Variants in FSTL5 observed in about 807,000 individuals in gnomAD.
FSTL5 encodes follistatin-related protein 5.
Under a neutral mutation model 89.1 loss-of-function variants are expected in FSTL5, and 62 were observed. The observed-to-expected ratio is 0.70, with a 90% CI of 0.57 to 0.86. The LOEUF is 0.86. FSTL5 is among the 40% of genes least tolerant of loss of function. The probability of loss-of-function intolerance (pLI) is 0.00; values close to 1 mark genes in which losing one functional copy is unlikely to be tolerated. For missense variants in FSTL5, 1,057 were observed against 1,001.6 expected, an observed-to-expected ratio of 1.06 and a Z score of -0.75; for synonymous variants, 383 against 346.2, an observed-to-expected ratio of 1.11 and a Z score of -1.18.
chr4:161,501,746 AT>A (rs1333238456), intron 11 of FSTL5, among the ~76,000 whole-genome samples: 1 of 152,048 alleles, frequency 6.6e-6, no homozygotes, highest in African/African-American at 2.4e-5. Flanking sequence ...ATAAAATAAA[AT>A]TTAGTAGTTG....
chr4:161,633,472 G>A (rs1281393457), intron 7 of FSTL5, among the ~76,000 whole-genome samples: 1 of 151,790 alleles, frequency 6.6e-6, no homozygotes, highest in Non-Finnish European at 1.5e-5. Context: ...TCAGCCTCCC[G>A]AGTAGCTGAG....
intron 4 of FSTL5, among the ~76,000 whole-genome samples, chr4:161,830,571 T>C (rs556124124): frequency 1.3e-3 from 192 of 152,178 alleles, no homozygotes; most frequent in Admixed American, 3.5e-3. Context: ...ACTTAGCATC[T>C]TGAGACTTCA....
In FSTL5 at chr4:161,777,231, A is replaced by G. The variant is rs143369802; in HGVS notation, c.410-1157T>C. 6.8e-4 allele frequency among the ~76,000 whole-genome samples: 69 copies of G among 101,752 alleles called. No homozygotes were observed. The East Asian group carries it at 0.02, about 29-fold the overall frequency. 66.8% of individuals were successfully genotyped at this position (101,752 alleles called of 152,430 possible). Reference sequence around the variant, plus strand: ...TTTCATTCATTTTTATGACTGAATAATATTTCATTGTGTATATATATATAT... The same window carrying G: ...TTTCATTCATTTTTATGACTGAATAGTATTTCATTGTGTATATATATATAT... On this transcript the variant is annotated intron_variant, in intron 4 of 15. Coordinates refer to ENST00000306100, the MANE Select transcript of FSTL5 (RefSeq NM_020116.5).
At chr4:162,068,443 A>C (rs1056692459) in intron 2 of FSTL5, among the ~76,000 whole-genome samples, 1 of 152,152 alleles carries the variant, frequency 6.6e-6, no homozygotes, top group Non-Finnish European at 1.5e-5. Context: ...AAAAGCAAGC[A>C]ATGGGGGAAT....
At chr4:161,994,387 G>A (rs1180392901) in intron 3 of FSTL5, among the ~76,000 whole-genome samples, 1 of 152,022 alleles carries the variant, frequency 6.6e-6, no homozygotes, top group Non-Finnish European at 1.5e-5. Flanking sequence ...TATTCCTCTG[G>A]GTATGCACCC....
At chr4:161,505,421 G>A (rs1730444442) in intron 11 of FSTL5, among the ~76,000 whole-genome samples, 1 of 152,068 alleles carries the variant, frequency 6.6e-6, no homozygotes, top group African/African-American at 2.4e-5. Context: ...AGTGTGTCAA[G>A]CTCTTTTTTA....
At chr4:162,022,852 C>A (rs954487298) in intron 3 of FSTL5, 1 of 152,034 alleles carries the variant, frequency 6.6e-6, no homozygotes, top group African/African-American at 2.4e-5. Context: ...TATTCTCACT[C>A]CTAAGTAGGG....
intron 4 of FSTL5, among the ~76,000 whole-genome samples, chr4:161,893,541 T>C (rs972315864): frequency 1.3e-5 from 2 of 152,178 alleles, no homozygotes; most frequent in Non-Finnish European, 2.9e-5. Context: ...TGCTTCATAC[T>C]ATTTCCAATC....
Position 162,116,566 on chromosome 4 carries a change from TGCTAATTG to T in FSTL5, c.-16-5162_-16-5155del, listed in dbSNP as rs567529187. Among the ~76,000 whole-genome samples, 4 of 152,248 alleles carry T rather than the reference TGCTAATTG, an allele frequency of 2.6e-5. No individual in the cohort carries two copies. In the South Asian group the frequency reaches 8.3e-4, roughly 32 times the overall value. The stretch of plus-strand genomic sequence containing the variant: ...AGCTAATAGCTTCTTGGGCTTTTGG[TGCTAATTG>T]GCTGGAGGTTGGGGAGGCTACATCA... On this transcript the variant is annotated intron_variant, in intron 1 of 15. Coordinates refer to ENST00000306100, the MANE Select transcript of FSTL5 (RefSeq NM_020116.5).
intron 7 of FSTL5, among the ~76,000 whole-genome samples, chr4:161,651,215 T>A (rs541174836): frequency 6.6e-6 from 1 of 151,544 alleles, no homozygotes; most frequent in East Asian, 1.9e-4. Context: ...AGGACACAGA[T>A]ACAGGCAGAT....
chr4:161,836,048 A>C (rs747538253), intron 4 of FSTL5, among the ~76,000 whole-genome samples: 52 of 152,244 alleles, frequency 3.4e-4, no homozygotes, highest in Middle Eastern at 3.4e-3. Context: ...AGACTTGGAA[A>C]CAACCCAAAT....
At chr4:161,823,505 C>A (rs1438856314) in intron 4 of FSTL5, among the ~76,000 whole-genome samples, 2 of 152,198 alleles carry the variant, frequency 1.3e-5, no homozygotes, top group Non-Finnish European at 2.9e-5. Flanking sequence ...TGCTCCACAC[C>A]AGAGCAGGTG....
intron 3 of FSTL5, among the ~76,000 whole-genome samples, chr4:161,949,281 A>C (rs1734823460): frequency 6.6e-6 from 1 of 152,044 alleles, no homozygotes; most frequent in South Asian, 2.1e-4. Context: ...TAATCTCCCC[A>C]TTTCCATATC....
intron 13 of FSTL5, among the ~76,000 whole-genome samples, chr4:161,464,811 T>A (rs1236977025): frequency 6.6e-6 from 1 of 152,236 alleles, no homozygotes; most frequent in East Asian, 1.9e-4. Context: ...TCTTAAAAAA[T>A]TTCTCCTCTG....
intron 3 of FSTL5, among the ~76,000 whole-genome samples, chr4:161,924,611 C>T (rs144957951): frequency 5.3e-4 from 81 of 151,562 alleles, no homozygotes; most frequent in African/African-American, 1.8e-3. Flanking sequence ...TTTAGGGGGA[C>T]ATTTAAGGGC....
At chr4:161,974,441 A>T (rs1735573436) in intron 3 of FSTL5, among the ~76,000 whole-genome samples, 1 of 139,552 alleles carries the variant, frequency 7.2e-6, no homozygotes, top group Non-Finnish European at 1.5e-5. Flanking sequence ...CCTCAGAAAT[A>T]ACGCCGCATA....
At chr4:161,913,616 C>T (rs1733759152) in intron 4 of FSTL5, among the ~76,000 whole-genome samples, 1 of 152,134 alleles carries the variant, frequency 6.6e-6, no homozygotes, top group Non-Finnish European at 1.5e-5. Context: ...CAATGCCAGC[C>T]ATGAAAGCAG....
chr4:161,436,991 G>A (rs1732580017), intron 15 of FSTL5, among the ~76,000 whole-genome samples: 1 of 152,182 alleles, frequency 6.6e-6, no homozygotes, highest in Non-Finnish European at 1.5e-5. Flanking sequence ...TTGTAATTTT[G>A]TTATTAAGGG....
At chr4:161,563,005 TAAC>T (rs1247187957) in intron 8 of FSTL5, among the ~76,000 whole-genome samples, 1 of 151,966 alleles carries the variant, frequency 6.6e-6, no homozygotes, top group African/African-American at 2.4e-5. Flanking sequence ...CTGAAGGATG[TAAC>T]AACAACATGA....
Sources: allele counts gnomAD v4.1 joint callset (sites outside exome capture counted in the v4.1 genomes callset), GRCh38; gene constraint gnomAD v4.1.1; transcripts MANE v1.5; gene names NCBI Gene and HGNC (gene_info 2026-07-23, HGNC 2026-07-21).